Variants in NLRC5 observed in about 807,000 individuals in gnomAD.
The protein encoded by NLRC5 is protein NLRC5.
Under a neutral mutation model 206.9 loss-of-function variants are expected in NLRC5, and 114 were observed. The observed-to-expected ratio is 0.55, with a 90% CI of 0.47 to 0.64. NLRC5 has a LOEUF of 0.64. Ranked by LOEUF, NLRC5 falls within the 30% of genes least tolerant of loss-of-function variation. The pLI, the probability that NLRC5 is intolerant of heterozygous loss-of-function variation, is 0.00. For synonymous variants in NLRC5, 952 were observed against 962.8 expected (o/e 0.99, Z 0.21); for missense variants, 2,008 against 2,305.5 (o/e 0.87, Z 2.64).
intron 23 of NLRC5, 74 bp downstream of exon 23, chr16:57,047,702 G>A (rs1273931101): frequency 8.7e-6 from 11 of 1,258,114 alleles, no homozygotes; most frequent in Admixed American, 3.9e-5. Context: ...GGGCTTCTTG[G>A]TTAGAAGACA....
chr16:57,051,068 A>G (rs1453894947), intron 23 of NLRC5, among the ~76,000 whole-genome samples: 1 of 152,022 alleles, frequency 6.6e-6, no homozygotes. Flanking sequence ...CATGTTGCCC[A>G]GGCTGGTCCC....
At chr16:57,046,730 G>A in intron 22 of NLRC5, 89 bp downstream of exon 22, 1 of 1,053,588 alleles carries the variant, frequency 9.5e-7, no homozygotes, top group Non-Finnish European at 1.4e-6. Flanking sequence ...TAGGGCTGGG[G>A]ATTGGGATAG....
chr16:57,040,530 A>G (rs1438511327), intron 16 of NLRC5, 120 bp from the exon 17 acceptor site: 2 of 915,752 alleles, frequency 2.2e-6, no homozygotes, highest in African/African-American at 3.3e-5. Flanking sequence ...AATTGGCACC[A>G]AGGTCTGATT....
chr16:57,039,443 G>A (rs1275947308), intron 15 of NLRC5, among the ~76,000 whole-genome samples: 1 of 152,180 alleles, frequency 6.6e-6, no homozygotes, highest in Non-Finnish European at 1.5e-5. Flanking sequence ...GTGACAGGCC[G>A]GGCACGGTGG....
Position 57,026,283 on chromosome 16 carries a change from G to T in NLRC5, c.1340G>T (p.Ser447Ile). ...TATATGCAGATGGTGCTCGCCCTCA[G>T]CCCCCCTGGGCACTTGCCCACCTCG... is the stretch of plus-strand genomic sequence containing the variant. ...QLYMQMVLAL[S>I]PPGHLPTSSL... Residue 447 changes from serine to isoleucine, a missense_variant, in exon 6 of 49, where the codon AGC (serine) becomes ATC (isoleucine). Ser to Ile is a moderately radical substitution (Grantham distance 142, BLOSUM62 -2). Coordinates refer to ENST00000688547, the MANE Select transcript of NLRC5 (RefSeq NM_001384950.1). The T allele has an allele frequency of 1.2e-6, 2 of 1,613,972 alleles. No individual in the cohort carries two copies. Among genetic ancestry groups the T allele is most frequent in the Non-Finnish European group, 1.7e-6 (2 of 1,180,024 alleles).
At position 57,065,140 on chromosome 16, in the gene NLRC5, G is replaced by A. The variant is rs745336817; in HGVS notation, c.4155-72G>A. 2.1e-4 allele frequency: 220 copies of A among 1,034,404 alleles called. 2 individuals carry two copies. The highest frequency in any genetic ancestry group is 4.4e-5 in the Non-Finnish European group (34 of 767,052). 64.1% of individuals were successfully genotyped at this position (1,034,404 alleles called of 1,614,324 possible). ...GTCCCCCCCTTGACACTCCTCCCCC[G>A]GCCCCGTCATGTGTGCTGATTGTCT... On this transcript the variant is annotated intron_variant, in intron 32 of 48. Coordinates refer to ENST00000688547, the MANE Select transcript of NLRC5 (RefSeq NM_001384950.1).
chr16:57,081,399 T>C lies in NLRC5; in HGVS notation c.5406-128T>C, dbSNP rs1480589261. ...CACCAGTCCCCTGTTGTCTTTTGGG[T>C]TCCCTGAGAAGGTAGTGTGGGAGAC... is the stretch of plus-strand genomic sequence containing the variant. On this transcript the variant is annotated intron_variant, in intron 47 of 48. Transcript: ENST00000688547. 5 of 981,242 alleles carry C rather than the reference T, an allele frequency of 5.1e-6. No individual in the cohort carries two copies. The African/African-American group carries it at 6.5e-5, about 13-fold the overall frequency. 60.8% of individuals were successfully genotyped at this position (981,242 alleles called of 1,614,324 possible).
chr16:56,996,038 T>C (rs1006183125), intron 1 of NLRC5, among the ~76,000 whole-genome samples: 1 of 152,204 alleles, frequency 6.6e-6, no homozygotes, highest in Non-Finnish European at 1.5e-5. Flanking sequence ...TGCTAACGCA[T>C]CTGTAAACCT....
At chr16:57,062,065 A>G in intron 32 of NLRC5, 35 of 1,311,900 alleles carry the variant, frequency 2.7e-5, no homozygotes, top group Non-Finnish European at 3.4e-5. Flanking sequence ...CGAAGTAGAA[A>G]GAATAATTTT....
intron 10 of NLRC5, among the ~76,000 whole-genome samples, chr16:57,031,069 C>A (rs2061824007): frequency 6.6e-6 from 1 of 151,744 alleles, no homozygotes; most frequent in South Asian, 2.1e-4. Flanking sequence ...CACTGCACTC[C>A]AGCCTGAGTA....
intron 21 of NLRC5, among the ~76,000 whole-genome samples, chr16:57,046,294 A>G (rs1210927682): frequency 6.6e-6 from 1 of 152,196 alleles, no homozygotes; most frequent in Non-Finnish European, 1.5e-5. Context: ...GACAGGAACA[A>G]GCTGCTGGCT....
At position 57,047,641 on chromosome 16, in the gene NLRC5, G is replaced by C; in HGVS notation, c.3422+13G>C. On this transcript the variant is annotated intron_variant, in intron 23 of 48. Transcript: ENST00000688547. Reference sequence around the variant, plus strand: ...CCCTGGAACTGCAGTAAGTAACGAGGACACAGCCCCAGAGGGCACCATGTG... The same window carrying C: ...CCCTGGAACTGCAGTAAGTAACGAGCACACAGCCCCAGAGGGCACCATGTG... 6.2e-7 allele frequency: 1 copy of C among 1,608,708 alleles called. No homozygotes were observed.
chr16:57,059,800 T>C (rs182329055), intron 30 of NLRC5, among the ~76,000 whole-genome samples: 12 of 152,300 alleles, frequency 7.9e-5, no homozygotes, highest in Non-Finnish European at 1.6e-4. Flanking sequence ...ATGTCCTGAC[T>C]ACAGGCCTTG....
At chr16:57,024,204 G>A (rs74023645) in intron 5 of NLRC5, among the ~76,000 whole-genome samples, 7,071 of 152,246 alleles carry the variant, frequency 0.046, 209 homozygotes, top group South Asian at 0.079. Flanking sequence ...CAGTTTGGGG[G>A]TGAGCAGGGA....
intron 11 of NLRC5, among the ~76,000 whole-genome samples, chr16:57,032,380 ACT>A (rs1295944770): frequency 6.6e-6 from 1 of 151,628 alleles, no homozygotes; most frequent in East Asian, 1.9e-4. Flanking sequence ...ACAGAGAGGG[ACT>A]CTGTCTCAAA....
intron 1 of NLRC5, among the ~76,000 whole-genome samples, chr16:57,012,911 T>C (rs55664802): frequency 0.14 from 20,715 of 152,232 alleles, 1,500 homozygotes; most frequent in South Asian, 0.16. Flanking sequence ...GGGTGTGAAA[T>C]GCTATGTGGC....
chr16:57,025,249 A>T, intron 5 of NLRC5, 119 bp from the exon 6 acceptor site: 1 of 1,452,940 alleles, frequency 6.9e-7, no homozygotes, highest in East Asian at 2.4e-5. Context: ...CCCCACCCTC[A>T]CCCCATCATA....
intron 32 of NLRC5, among the ~76,000 whole-genome samples, chr16:57,064,509 C>T (rs2066882952): frequency 6.6e-6 from 1 of 152,174 alleles, no homozygotes; most frequent in South Asian, 2.1e-4. Context: ...TGTTTCTTTC[C>T]ACACTTTTTT....
intron 10 of NLRC5, among the ~76,000 whole-genome samples, chr16:57,030,453 T>TGGAC (rs58048607): frequency 0.11 from 15,023 of 132,076 alleles, 1,786 homozygotes; most frequent in African/African-American, 0.19. Context: ...GATGGATGGA[T>TGGAC]GGATGGATGG....
Sources: allele counts gnomAD v4.1 joint callset (sites outside exome capture counted in the v4.1 genomes callset), GRCh38; gene constraint gnomAD v4.1.1; transcripts MANE v1.5; gene names NCBI Gene and HGNC (gene_info 2026-07-23, HGNC 2026-07-21).